The following ARHGEF12 variants were observed in gnomAD, a reference collection of about 807,000 sequenced individuals.
ARHGEF12 encodes the protein KMT2A/ARHGEF12 fusion protein.
In ARHGEF12, 66 loss-of-function variants were observed where a neutral mutation model predicts 211.2. The observed-to-expected ratio is 0.31, with a 90% CI of 0.26 to 0.38. The LOEUF (loss-of-function observed/expected upper bound fraction) is 0.38, where lower values mean the gene tolerates loss of function less well. ARHGEF12 is among the 10% of genes least tolerant of loss of function. ARHGEF12 has a pLI of 1.00. For missense variants in ARHGEF12, 1,429 were observed against 1,869.5 expected (o/e 0.76, Z 4.34); for synonymous variants, 592 against 638.4 (o/e 0.93, Z 1.09).
chr11:120,358,986 G>A (rs185337040), intron 1 of ARHGEF12, among the ~76,000 whole-genome samples: 61 of 152,202 alleles, frequency 4.0e-4, no homozygotes, highest in Non-Finnish European at 7.9e-4. Context: ...GCTGATTGTT[G>A]GTAGGAAGCC....
rs1461693855 is a variant in ARHGEF12, at chr11:120,437,398, A to G, written c.999+16A>G. The stretch of plus-strand genomic sequence containing the variant: ...TCAGGACACTGTGAGTATGAAATCC[A>G]TGCAATGATAGTGCTGTCTTTGGCT... On this transcript the variant is annotated intron_variant, in intron 12 of 40. Transcript: ENST00000397843. 1 of 1,599,172 alleles carries G rather than the reference A, an allele frequency of 6.3e-7. No homozygotes were observed. The highest frequency in any genetic ancestry group is 2.2e-5 in the East Asian group (1 of 44,528).
At chr11:120,449,370 A>T in intron 21 of ARHGEF12, 156 bp downstream of exon 21, 1 of 620,346 alleles carries the variant, frequency 1.6e-6, no homozygotes, top group Non-Finnish European at 2.8e-6. Context: ...TTATTTCTGA[A>T]CTAAGTACCC....
Position 120,488,737 on chromosome 11 carries a change from TCAC to T in ARHGEF12, c.*3663_*3665del, listed in dbSNP as rs1435174801. 4.6e-6 allele frequency: 1 copy of T among 217,048 alleles called. No homozygotes were observed. The highest frequency in any genetic ancestry group is 9.3e-6 in the Non-Finnish European group (1 of 107,608). The allele number at this position is 217,048 out of a possible 1,614,324, so 13.4% of individuals were successfully genotyped here. ...TACTAGAACATTTTATTTTCCTTGT[TCAC>T]CATACAATCATGTACTCTTTAACAG... On this transcript the variant is annotated 3_prime_UTR_variant, in exon 41 of 41. Coordinates refer to ENST00000397843, the MANE Select transcript of ARHGEF12 (RefSeq NM_015313.3).
rs1372628197 is a variant in ARHGEF12 at position 120,488,622 on chromosome 11, C to G, written c.*3545C>G. 4.5e-6 allele frequency: 1 copy of G among 220,512 alleles called. No individual in the cohort carries two copies. The highest frequency in any genetic ancestry group is 2.2e-5 in the African/African-American group (1 of 44,614). The allele number at this position is 220,512 out of a possible 1,614,324, so 13.7% of individuals were successfully genotyped here. A position where few individuals can be genotyped will look rare whatever the true frequency, so the allele number is the denominator to read the frequency against. ...CCTCCTAGAAGGAAGCCTTCCCCAC[C>G]ATTTCCAGGTGCCAACTGCTAAGCA... On this transcript the variant is annotated 3_prime_UTR_variant, in exon 41 of 41. Coordinates refer to ENST00000397843, the MANE Select transcript of ARHGEF12 (RefSeq NM_015313.3).
At chr11:120,460,117 A>G (rs1946485163) in intron 26 of ARHGEF12, among the ~76,000 whole-genome samples, 1 of 152,248 alleles carries the variant, frequency 6.6e-6, no homozygotes, top group Non-Finnish European at 1.5e-5. Context: ...TTTTGTGGAC[A>G]GTAATATGAT....
chr11:120,429,330 T>C (rs1945456045), intron 8 of ARHGEF12, 110 bp from the exon 9 acceptor site: 1 of 772,786 alleles, frequency 1.3e-6, no homozygotes, highest in African/African-American at 1.8e-5. Flanking sequence ...CTAATAGGTA[T>C]TGATAATTGG....
intron 4 of ARHGEF12, among the ~76,000 whole-genome samples, chr11:120,412,597 C>A (rs146079652): frequency 7.8e-4 from 119 of 152,232 alleles, no homozygotes; most frequent in African/African-American, 2.7e-3. Flanking sequence ...TATTTTGTCT[C>A]TCTTTATTTG....
intron 27 of ARHGEF12, among the ~76,000 whole-genome samples, chr11:120,461,966 T>C (rs999007355): frequency 1.8e-5 from 2 of 112,094 alleles, no homozygotes; most frequent in Non-Finnish European, 4.1e-5. Context: ...GTGGCTGATT[T>C]CATCTTCTTT....
chr11:120,483,214 A>G (rs2136021243), intron 39 of ARHGEF12, among the ~76,000 whole-genome samples: 1 of 149,576 alleles, frequency 6.7e-6, no homozygotes, highest in East Asian at 2.0e-4. Flanking sequence ...CAATGCCATT[A>G]TTAAGTGCCA....
intron 1 of ARHGEF12, among the ~76,000 whole-genome samples, chr11:120,350,960 A>G (rs1046434330): frequency 1.3e-5 from 2 of 152,178 alleles, no homozygotes; most frequent in Non-Finnish European, 2.9e-5. Context: ...TTTGATTAGT[A>G]AGACAGTGTT....
At chr11:120,467,341 G>C in intron 29 of ARHGEF12, 33 bp downstream of exon 29, 1 of 1,375,016 alleles carries the variant, frequency 7.3e-7, no homozygotes, top group Non-Finnish European at 1.0e-6. Context: ...AAAAGCTTAA[G>C]AACAACAACA....
intron 22 of ARHGEF12, among the ~76,000 whole-genome samples, chr11:120,456,674 G>A (rs543144544): frequency 3.9e-5 from 6 of 152,096 alleles, no homozygotes; most frequent in Non-Finnish European, 5.9e-5. Context: ...TATTTCTTAC[G>A]TTAATTTTTA....
Position 120,451,645 on chromosome 11 carries a change from A to T in ARHGEF12, c.1977A>T (p.Gly659=). The change falls in exon 22 of 41, where the codon GGA becomes GGT. Residue 659 remains glycine (G), a synonymous_variant. Transcript: ENST00000397843. ...SGLANEGTDA[G]YLPANSMSSV... is the part of the protein sequence containing the mutation. ...TAGCAAATGAAGGAACAGACGCTGGATACCTGCCTGCCAATTCCATGTCTT... is the reference window on the plus strand; with the variant it reads ...TAGCAAATGAAGGAACAGACGCTGGTTACCTGCCTGCCAATTCCATGTCTT... The T allele has an allele frequency of 2.5e-6, 4 of 1,614,138 alleles. No homozygotes were observed. The Admixed American group carries it at 5.0e-5, about 20-fold the overall frequency.
chr11:120,352,068 A>G (rs1438045141), intron 1 of ARHGEF12, among the ~76,000 whole-genome samples: 1 of 152,164 alleles, frequency 6.6e-6, no homozygotes, highest in Non-Finnish European at 1.5e-5. Flanking sequence ...TTTTGTCTTC[A>G]ACAATACCAT....
At chr11:120,337,644 C>T (rs1942393729) in intron 1 of ARHGEF12, 1 of 985,264 alleles carries the variant, frequency 1.0e-6, no homozygotes, top group Admixed American at 6.2e-5. Context: ...TATTTATCAG[C>T]TTTAGCCGTG....
intron 1 of ARHGEF12, among the ~76,000 whole-genome samples, chr11:120,354,763 A>G (rs1943085081): frequency 6.6e-6 from 1 of 152,202 alleles, no homozygotes; most frequent in African/African-American, 2.4e-5. Context: ...CTAGGTAGAG[A>G]AAGATTAGAG....
At chr11:120,457,044 G>A (rs973433424) in intron 22 of ARHGEF12, 74 bp from the exon 23 acceptor site, 3 of 1,477,572 alleles carry the variant, frequency 2.0e-6, no homozygotes, top group East Asian at 2.3e-5. Context: ...GCTGTTCTGG[G>A]AACTAATTTT....
chr11:120,475,569 C>T (rs1947004237), intron 33 of ARHGEF12, 62 bp downstream of exon 33: 17 of 1,538,896 alleles, frequency 1.1e-5, no homozygotes, highest in Middle Eastern at 3.4e-4. Flanking sequence ...ATAAGATACT[C>T]GGTGCTGTCT....
At position 120,344,156 on chromosome 11, in the gene ARHGEF12, C is replaced by T. The variant is rs1439178345; in HGVS notation, c.32+6881C>T. ...TGGCACATGCCTGTAATCCCAGCTA[C>T]TCGGGAGGCTAAGACAGGAGAATCA... On this transcript the variant is annotated intron_variant, in intron 1 of 40. Coordinates refer to ENST00000397843, the MANE Select transcript of ARHGEF12 (RefSeq NM_015313.3). 2.0e-5 allele frequency among the ~76,000 whole-genome samples: 3 copies of T among 150,106 alleles called. No homozygotes were observed. The Admixed American group carries it at 2.0e-4, about 10-fold the overall frequency.
Sources: gnomAD v4.1 joint callset for allele counts (sites outside exome capture counted in the v4.1 genomes callset) on GRCh38, gnomAD v4.1.1 for gene constraint, MANE v1.5 for transcripts, NCBI Gene and HGNC (gene_info 2026-07-23, HGNC 2026-07-21) for gene names.